Variants in KANK1 observed in about 807,000 individuals in gnomAD.
KANK1 encodes KN motif and ankyrin repeat domain-containing protein 1.
KANK1 carries 109 observed loss-of-function variants against 106.2 expected under a neutral mutation model. The ratio of observed to expected loss-of-function variants is 1.03; its 90% CI spans 0.88 to 1.20. The LOEUF (loss-of-function observed/expected upper bound fraction) is 1.20, where lower values mean the gene tolerates loss of function less well. KANK1 is among the 50% of genes most tolerant of loss of function. The pLI, the probability that KANK1 is intolerant of heterozygous loss-of-function variation, is 0.00. For missense variants in KANK1, 2,399 were observed against 1,710.7 expected (o/e 1.40, Z -7.10); for synonymous variants, 873 against 652.2 (o/e 1.34, Z -5.16).
intron 2 of KANK1, among the ~76,000 whole-genome samples, chr9:688,302 G>A (rs73372953): frequency 0.017 from 2,625 of 152,270 alleles, 71 homozygotes; most frequent in African/African-American, 0.058. Context: ...CTTGCTCTAA[G>A]GCAGGCTTAA....
chr9:644,115 G>C (rs140737305), intron 1 of KANK1, among the ~76,000 whole-genome samples: 1 of 151,166 alleles, frequency 6.6e-6, no homozygotes, highest in Non-Finnish European at 1.5e-5. Flanking sequence ...TCTACATTCA[G>C]TAGAATGCTA....
intron 3 of KANK1, among the ~76,000 whole-genome samples, chr9:496,573 T>C (rs561925893): frequency 6.6e-6 from 1 of 152,202 alleles, no homozygotes; most frequent in Admixed American, 6.5e-5. Flanking sequence ...AATAAATACA[T>C]AAATAAATTC....
intron 1 of KANK1, among the ~76,000 whole-genome samples, chr9:597,907 C>T (rs1050934497): frequency 5.9e-5 from 9 of 151,544 alleles, no homozygotes; most frequent in African/African-American, 2.2e-4. Flanking sequence ...TCAGGTGATC[C>T]ACCCGCCTCA....
intron 1 of KANK1, among the ~76,000 whole-genome samples, chr9:622,469 C>T (rs760976028): frequency 1.3e-5 from 2 of 152,104 alleles, no homozygotes; most frequent in African/African-American, 2.4e-5. Context: ...AGCATCCTGA[C>T]AAGGGTGCCA....
intron 1 of KANK1, among the ~76,000 whole-genome samples, chr9:553,522 C>G (rs954702408): frequency 6.6e-6 from 1 of 152,148 alleles, no homozygotes; most frequent in Non-Finnish European, 1.5e-5. Flanking sequence ...CTTGATCTTC[C>G]GCACCCTGTA....
At chr9:530,471 AT>A (rs2060006048) in intron 1 of KANK1, among the ~76,000 whole-genome samples, 1 of 151,858 alleles carries the variant, frequency 6.6e-6, no homozygotes, top group Non-Finnish European at 1.5e-5. Context: ...TTAATAGTCC[AT>A]TTTCCCTCTG....
chr9:578,208 A>G (rs895511252), intron 1 of KANK1, among the ~76,000 whole-genome samples: 1 of 152,204 alleles, frequency 6.6e-6, no homozygotes, highest in African/African-American at 2.4e-5. Context: ...CAGTAAAAGC[A>G]TTCACCTTTT....
chr9:645,458 AAAAG>A lies in KANK1; in HGVS notation c.-83-31431_-83-31428del, dbSNP rs1456391145. On this transcript the variant is annotated intron_variant, in intron 1 of 11. Transcript: ENST00000382297. ...GTGTCTTAAAAAAAAAAAAAAAAAA[AAAAG>A]GCCTTAAGATAAAAAACAGTGAAAT... 2.4e-3 allele frequency among the ~76,000 whole-genome samples: 358 copies of A among 149,750 alleles called. 22 individuals carry two copies. The highest frequency in any genetic ancestry group is 8.9e-3 in the African/African-American group (352 of 39,628).
upstream of KANK1, among the ~76,000 whole-genome samples, chr9:503,555 T>G (rs1477831701): frequency 6.6e-6 from 1 of 152,168 alleles, no homozygotes; most frequent in Non-Finnish European, 1.5e-5. Context: ...GGCTCTTCAC[T>G]TGCACACTCA....
chr9:528,426 C>T (rs2059902546), intron 1 of KANK1, among the ~76,000 whole-genome samples: 2 of 149,476 alleles, frequency 1.3e-5, no homozygotes, highest in Non-Finnish European at 3.0e-5. Context: ...TGGTGGATTT[C>T]CTCAGCTTTA....
At chr9:687,670 A>G (rs917459018) in intron 2 of KANK1, among the ~76,000 whole-genome samples, 1 of 152,148 alleles carries the variant, frequency 6.6e-6, no homozygotes, top group Non-Finnish European at 1.5e-5. Flanking sequence ...ATCTATTAAT[A>G]TAAGCCCTTC....
intron 1 of KANK1, among the ~76,000 whole-genome samples, chr9:633,376 T>G (rs1218158252): frequency 6.6e-6 from 1 of 152,092 alleles, no homozygotes; most frequent in Non-Finnish European, 1.5e-5. Context: ...GAGAATGGCG[T>G]GAACCCGGGA....
intron 10 of KANK1, among the ~76,000 whole-genome samples, chr9:744,002 A>G (rs749187034): frequency 6.6e-6 from 1 of 152,204 alleles, no homozygotes; most frequent in Non-Finnish European, 1.5e-5. Context: ...TCTTATTTCC[A>G]GAAGTTGGAT....
chr9:617,763 G>C (rs1404028090), intron 1 of KANK1, among the ~76,000 whole-genome samples: 5 of 152,216 alleles, frequency 3.3e-5, no homozygotes, highest in Non-Finnish European at 1.5e-5. Context: ...TGTGACGCGT[G>C]CATGTGCACA....
intron 1 of KANK1, among the ~76,000 whole-genome samples, chr9:587,132 A>G (rs576504410): frequency 2.2e-4 from 33 of 152,354 alleles, no homozygotes; most frequent in Non-Finnish European, 4.0e-4. Flanking sequence ...CTGGCCTTAC[A>G]TAATTAAGAT....
intron 1 of KANK1, among the ~76,000 whole-genome samples, chr9:538,647 C>G (rs776071972): frequency 7.2e-5 from 11 of 152,118 alleles, no homozygotes; most frequent in Non-Finnish European, 1.6e-4. Flanking sequence ...CTATTGTTTG[C>G]TTAGTTATTT....
intron 1 of KANK1, among the ~76,000 whole-genome samples, chr9:662,740 C>T (rs1489632019): frequency 6.6e-6 from 1 of 150,964 alleles, no homozygotes; most frequent in African/African-American, 2.4e-5. Context: ...CAGCTCACTG[C>T]AATCTCCACC....
intron 2 of KANK1, among the ~76,000 whole-genome samples, chr9:698,405 C>T (rs772849878): frequency 2.0e-5 from 3 of 152,196 alleles, no homozygotes; most frequent in Non-Finnish European, 4.4e-5. Context: ...TTAGATTTCT[C>T]ATACTTCAGT....
intron 1 of KANK1, among the ~76,000 whole-genome samples, chr9:527,548 A>C (rs1404795962): frequency 1.3e-5 from 2 of 151,384 alleles, no homozygotes; most frequent in South Asian, 4.1e-4. Context: ...TGATCTGCCC[A>C]CCTCTGCCTC....
Sources: allele counts gnomAD v4.1 joint callset (sites outside exome capture counted in the v4.1 genomes callset), GRCh38; gene constraint gnomAD v4.1.1; transcripts MANE v1.5; gene names NCBI Gene and HGNC (gene_info 2026-07-23, HGNC 2026-07-21).